The following POT1 variants were observed in gnomAD, a reference collection of about 807,000 sequenced individuals.
POT1 encodes protection of telomeres protein 1.
A neutral mutation model predicts 78.5 loss-of-function variants in POT1; 47 were observed. That is an observed-to-expected ratio of 0.60 (90% CI 0.47 to 0.76). The LOEUF (loss-of-function observed/expected upper bound fraction) is 0.76. Ranked by LOEUF, POT1 falls within the 30% of genes least tolerant of loss-of-function variation. POT1 has a pLI of 0.00. For missense variants in POT1, 646 were observed against 749.9 expected, an observed-to-expected ratio of 0.86 and a Z score of 1.62; for synonymous variants, 259 against 260.7, an observed-to-expected ratio of 0.99 and a Z score of 0.06.
At chr7:124,902,385 AAAAG>A (rs1796643707) in intron 3 of POT1, among the ~76,000 whole-genome samples, 1 of 152,090 alleles carries the variant, frequency 6.6e-6, no homozygotes, top group Non-Finnish European at 1.5e-5. Context: ...CATTCTTAAA[AAAAG>A]AATTTTCAAC....
At chr7:124,929,180 C>G (rs1797347589) in intron 1 of POT1, among the ~76,000 whole-genome samples, 181 bp from the exon 2 acceptor site, 1 of 152,160 alleles carries the variant, frequency 6.6e-6, no homozygotes, top group African/African-American at 2.4e-5. Flanking sequence ...TTCCAAGGAA[C>G]TGAAACTTAA....
intron 9 of POT1, 196 bp from the exon 10 acceptor site, chr7:124,853,334 G>A: frequency 2.0e-6 from 1 of 507,944 alleles, no homozygotes; most frequent in Non-Finnish European, 3.5e-6. Flanking sequence ...CTAAATATAT[G>A]GACATGTGCA....
chr7:124,901,877 A>G (rs1796629231), intron 3 of POT1, among the ~76,000 whole-genome samples: 1 of 152,214 alleles, frequency 6.6e-6, no homozygotes, highest in Non-Finnish European at 1.5e-5. Flanking sequence ...TACATGATGC[A>G]TGCACAAGCT....
intron 2 of POT1, among the ~76,000 whole-genome samples, chr7:124,920,876 G>C (rs2116711009): frequency 6.6e-6 from 1 of 152,210 alleles, no homozygotes; most frequent in African/African-American, 2.4e-5. Flanking sequence ...AGGATTGCTT[G>C]AGGCTGGGAG....
intron 6 of POT1, among the ~76,000 whole-genome samples, chr7:124,879,346 C>T (rs1417373065): frequency 1.3e-5 from 2 of 152,092 alleles, no homozygotes; most frequent in African/African-American, 4.8e-5. Flanking sequence ...CAGCAGAAAT[C>T]AGTGACCTTA....
intron 14 of POT1, among the ~76,000 whole-genome samples, chr7:124,836,118 AAGC>A (rs1794895179): frequency 6.6e-6 from 1 of 152,176 alleles, no homozygotes; most frequent in Non-Finnish European, 1.5e-5. Flanking sequence ...TATAAAGGAG[AAGC>A]ACTTCTGGTA....
rs979444353 is a variant in POT1, at chr7:124,822,468, C to T, written c.*1494G>A. ...CATGAAGATTCATAGGAAGAGTTTT[C>T]CTTTGTTAACGTGGAGATCTTGCAG... On this transcript the variant is annotated 3_prime_UTR_variant, in exon 19 of 19. Transcript: ENST00000357628. The T allele has an allele frequency of 7.0e-6, 3 of 425,788 alleles. No individual in the cohort carries two copies. The Admixed American group carries it at 7.4e-5, about 11-fold the overall frequency. 26.4% of individuals were successfully genotyped at this position (425,788 alleles called of 1,614,324 possible).
intron 3 of POT1, among the ~76,000 whole-genome samples, chr7:124,903,914 C>A (rs566230176): frequency 3.3e-5 from 5 of 152,196 alleles, no homozygotes; most frequent in Admixed American, 2.0e-4. Context: ...ACTAGAAACT[C>A]TAGAAGAAAT....
At chr7:124,858,786 C>T (rs1261822269) in intron 9 of POT1, 171 bp downstream of exon 9, 1 of 435,512 alleles carries the variant, frequency 2.3e-6, no homozygotes, top group Non-Finnish European at 3.9e-6. Flanking sequence ...TTAAGTTTAT[C>T]TTTTAATAAT....
intron 14 of POT1, among the ~76,000 whole-genome samples, chr7:124,835,803 T>C (rs1794886722): frequency 6.6e-6 from 1 of 152,220 alleles, no homozygotes; most frequent in Admixed American, 6.5e-5. Context: ...AGAGTTTAAA[T>C]CTCAATTTTC....
At chr7:124,875,496 G>C (rs1357388263) in intron 6 of POT1, among the ~76,000 whole-genome samples, 1 of 152,052 alleles carries the variant, frequency 6.6e-6, no homozygotes, top group East Asian at 1.9e-4. Flanking sequence ...ATTTAAACAT[G>C]GTTAAAAATT....
At chr7:124,927,034 A>T (rs1797292100) in intron 2 of POT1, among the ~76,000 whole-genome samples, 1 of 152,174 alleles carries the variant, frequency 6.6e-6, no homozygotes, top group Admixed American at 6.5e-5. Flanking sequence ...ACAGTGCTAT[A>T]TATCAACATA....
rs1796542743 is a variant in POT1 at position 124,898,330 on chromosome 7, TGAA to T, written c.-112_-110del. 1 of 151,290 alleles carries T rather than the reference TGAA, an allele frequency of 6.6e-6. No individual in the cohort carries two copies. Among genetic ancestry groups the T allele is most frequent in the Non-Finnish European group, 1.5e-5 (1 of 67,830 alleles). 9.4% of individuals were successfully genotyped at this position (151,290 alleles called of 1,614,324 possible). A position where few individuals can be genotyped will look rare whatever the true frequency, so the allele number is the denominator to read the frequency against. On this transcript the variant is annotated 5_prime_UTR_variant, in exon 4 of 19. Transcript: ENST00000357628. The stretch of plus-strand genomic sequence containing the variant: ...AAGGTTTACCATCTCTGCTTGTAGA[TGAA>T]GAAGCTAAAAAAACAATAAATCTAG...
chr7:124,835,722 T>A (rs1009805630), intron 14 of POT1, among the ~76,000 whole-genome samples: 14 of 152,204 alleles, frequency 9.2e-5, no homozygotes, highest in African/African-American at 3.4e-4. Context: ...AGAGGGAATA[T>A]AAATTAAAAG....
chr7:124,880,052 G>A (rs1796081946), intron 6 of POT1, among the ~76,000 whole-genome samples: 1 of 152,022 alleles, frequency 6.6e-6, no homozygotes. Context: ...ACCTGTTTAT[G>A]CTGTAAGTAG....
At chr7:124,900,330 C>G (rs1315554271) in intron 3 of POT1, among the ~76,000 whole-genome samples, 1 of 152,092 alleles carries the variant, frequency 6.6e-6, no homozygotes, top group Non-Finnish European at 1.5e-5. Context: ...CTGACCTAAT[C>G]TATATTTCAA....
In POT1 at chr7:124,902,942, T is replaced by C. The variant is rs896030318; in HGVS notation, c.-153-4568A>G. On this transcript the variant is annotated intron_variant, in intron 3 of 18. Transcript: ENST00000357628. ...AGAGACACAGAAGGCCATTAAGTAA[T>C]GGTAAAGGGATCAAGTCCACAAGAA... Among the ~76,000 whole-genome samples, 4 of 152,194 alleles carry C rather than the reference T, an allele frequency of 2.6e-5. No homozygotes were observed. The East Asian group carries it at 5.8e-4, about 22-fold the overall frequency.
chr7:124,847,450 T>A (rs576487632), intron 11 of POT1, among the ~76,000 whole-genome samples: 1 of 152,278 alleles, frequency 6.6e-6, no homozygotes, highest in African/African-American at 2.4e-5. Flanking sequence ...GCTGAGATTG[T>A]GCCATTGCAC....
At chr7:124,914,730 G>T (rs1023153026) in intron 3 of POT1, among the ~76,000 whole-genome samples, 3 of 152,134 alleles carry the variant, frequency 2.0e-5, no homozygotes, top group African/African-American at 7.2e-5. Flanking sequence ...ATCTAGAGAT[G>T]ACTTAATGTC....
Sources: gnomAD v4.1 joint callset for allele counts (sites outside exome capture counted in the v4.1 genomes callset) on GRCh38, gnomAD v4.1.1 for gene constraint, MANE v1.5 for transcripts, NCBI Gene and HGNC (gene_info 2026-07-23, HGNC 2026-07-21) for gene names.